MAP3K15: variants seen among roughly 807,000 people sequenced by gnomAD.
MAP3K15 encodes mitogen-activated protein kinase kinase kinase 15, also known as MAPK/ERK kinase kinase 15.
A neutral mutation model predicts 99.5 loss-of-function variants in MAP3K15; 124 were observed. That is an observed-to-expected ratio of 1.25 (90% CI 1.08 to 1.45). MAP3K15 has a LOEUF of 1.45. Ranked by LOEUF, MAP3K15 falls within the 40% of genes most tolerant of loss-of-function variation. MAP3K15 has a pLI of 0.00. For synonymous variants in MAP3K15, 494 were observed against 439.6 expected (o/e 1.12, Z -1.55); for missense variants, 1,242 against 1,079.7 (o/e 1.15, Z -2.11).
chrX:19,379,404 C>T (rs192499828), intron 19 of MAP3K15, among the ~76,000 whole-genome samples: 301 of 104,942 alleles, frequency 2.9e-3, no homozygotes, highest in South Asian at 9.9e-3. Flanking sequence ...CCAAAACTAC[C>T]TACTGTCTTA....
chrX:19,499,683 C>A (rs2064428746), intron 1 of MAP3K15, among the ~76,000 whole-genome samples: 1 of 111,974 alleles, frequency 8.9e-6, no homozygotes, highest in Non-Finnish European at 1.9e-5. Flanking sequence ...CAAAGCCAGA[C>A]ACCAAAGAAT....
intron 12 of MAP3K15, among the ~76,000 whole-genome samples, chrX:19,407,544 G>A (rs187518272): frequency 2.7e-5 from 3 of 111,576 alleles, no homozygotes; most frequent in Admixed American, 9.6e-5. Flanking sequence ...CAAAGCATAC[G>A]GGCAACAGAA....
chrX:19,488,305 G>A (rs2064343448), intron 2 of MAP3K15, among the ~76,000 whole-genome samples: 1 of 112,055 alleles, frequency 8.9e-6, no homozygotes, highest in Non-Finnish European at 1.9e-5. Flanking sequence ...GAGTTGTGCA[G>A]GAACACACAC....
At chrX:19,470,422 G>T (rs2064200064) in intron 3 of MAP3K15, among the ~76,000 whole-genome samples, 1 of 109,948 alleles carries the variant, frequency 9.1e-6, no homozygotes. Context: ...GAGCAGGGAG[G>T]GATAGCATTA....
intron 19 of MAP3K15, among the ~76,000 whole-genome samples, chrX:19,378,902 T>C (rs2063439122): frequency 9.0e-6 from 1 of 111,130 alleles, no homozygotes; most frequent in South Asian, 3.8e-4. Flanking sequence ...GGGAGGGTTG[T>C]TGGAATGATA....
In MAP3K15 at chrX:19,371,372, G is replaced by A. The variant is rs1426364335; in HGVS notation, c.3267C>T (p.His1089=). 5 of 1,208,176 alleles carry A rather than the reference G, an allele frequency of 4.1e-6. No homozygotes were observed. In the East Asian group the frequency reaches 1.2e-4, roughly 29 times the overall value. ...DFDSSSISQI[H]LVLFGFQDAV... is the part of the protein sequence containing the mutation. ...CATCCTGAAATCCGAACAGCACCAG[G>A]TGAATCTGACTGATGGACGAGCTGT... is the stretch of plus-strand genomic sequence containing the variant. Residue 1089 remains histidine (H), a synonymous_variant, in exon 23 of 29, where the codon CAC becomes CAT. Coordinates refer to ENST00000338883, the MANE Select transcript of MAP3K15 (RefSeq NM_001001671.4).
intron 6 of MAP3K15, among the ~76,000 whole-genome samples, chrX:19,456,008 A>C (rs898215149): frequency 3.6e-5 from 4 of 111,343 alleles, no homozygotes; most frequent in Non-Finnish European, 7.5e-5. Flanking sequence ...ACAACAATGC[A>C]TCCTTGGGAT....
chrX:19,398,692 C>T (rs2063585821), intron 14 of MAP3K15, among the ~76,000 whole-genome samples: 1 of 112,203 alleles, frequency 8.9e-6, no homozygotes, highest in Admixed American at 9.5e-5. Context: ...AATAACCCAA[C>T]TAGGTGTCTT....
At chrX:19,429,774 G>C (rs1470207701) in intron 7 of MAP3K15, among the ~76,000 whole-genome samples, 1 of 40,224 alleles carries the variant, frequency 2.5e-5, no homozygotes, top group Non-Finnish European at 4.1e-5. Flanking sequence ...GAGAGAGAGA[G>C]AGAGAGAGAG....
At chrX:19,393,410 C>A (rs926332453) in intron 16 of MAP3K15, among the ~76,000 whole-genome samples, 4 of 112,072 alleles carry the variant, frequency 3.6e-5, no homozygotes, top group Admixed American at 1.9e-4. Flanking sequence ...GCGGGCAGAT[C>A]ACCTGAGGTC....
intron 10 of MAP3K15, 81 bp from the exon 11 acceptor site, chrX:19,413,545 C>A (rs1424171234): frequency 7.6e-6 from 5 of 655,893 alleles, no homozygotes; most frequent in Non-Finnish European, 1.1e-5. Context: ...CGGGGAGGTC[C>A]GTACTCAATA....
rs1414630580 is a variant in MAP3K15 at position 19,464,174 on chromosome X, G to A, written c.719+39C>T. 5 of 1,099,295 alleles carry A rather than the reference G, an allele frequency of 4.5e-6. 1 individual carries two copies. In the South Asian group the frequency reaches 6.0e-5, roughly 13 times the overall value. 90.6% of individuals were successfully genotyped at this position (1,099,295 alleles called of 1,213,427 possible). A position where few individuals can be genotyped will look rare whatever the true frequency, so the allele number is the denominator to read the frequency against. ...CCCTGAAAGAAATGGGGACATCTTG[G>A]TGAGTCTCCAGGGGTTACTGGTGGC... is the stretch of plus-strand genomic sequence containing the variant. On this transcript the variant is annotated intron_variant, in intron 4 of 28. Transcript: ENST00000338883.
At chrX:19,370,132 G>A (rs1022580094) in intron 24 of MAP3K15, among the ~76,000 whole-genome samples, 3 of 111,671 alleles carry the variant, frequency 2.7e-5, no homozygotes, top group African/African-American at 9.8e-5. Flanking sequence ...CCATGATGGC[G>A]ACAGAATGGG....
chrX:19,485,985 A>C (rs781257316), intron 3 of MAP3K15, among the ~76,000 whole-genome samples: 1 of 112,179 alleles, frequency 8.9e-6, no homozygotes, highest in South Asian at 3.7e-4. Context: ...AAGCCAAATC[A>C]GGAGACTTCA....
At chrX:19,388,876 G>T (rs2063508934) in intron 18 of MAP3K15, among the ~76,000 whole-genome samples, 1 of 111,908 alleles carries the variant, frequency 8.9e-6, no homozygotes, top group Non-Finnish European at 1.9e-5. Flanking sequence ...TGGCCAAAAA[G>T]TAGAAACAAT....
chrX:19,398,858 C>A (rs1380262842), intron 14 of MAP3K15, among the ~76,000 whole-genome samples: 3 of 111,401 alleles, frequency 2.7e-5, no homozygotes, highest in African/African-American at 9.8e-5. Flanking sequence ...GTAGTAAACA[C>A]CTAGTACAAA....
At chrX:19,499,984 C>T (rs185642737) in intron 1 of MAP3K15, among the ~76,000 whole-genome samples, 5 of 112,827 alleles carry the variant, frequency 4.4e-5, no homozygotes, top group East Asian at 2.8e-4. Context: ...CAGTGGCCCA[C>T]GCCTGAAATC....
intron 23 of MAP3K15, 111 bp from the exon 24 acceptor site, chrX:19,371,175 C>T: frequency 5.1e-6 from 4 of 787,584 alleles, no homozygotes; most frequent in South Asian, 2.8e-5. Context: ...GGGCCGCATG[C>T]AATCAGCCAG....
intron 6 of MAP3K15, among the ~76,000 whole-genome samples, chrX:19,446,800 C>T (rs1451797964): frequency 1.8e-4 from 20 of 111,717 alleles, no homozygotes; most frequent in Non-Finnish European, 1.9e-5. Context: ...TGGAGTACAA[C>T]TAAAGAGACA....
Sources: allele counts gnomAD v4.1 joint callset (sites outside exome capture counted in the v4.1 genomes callset), GRCh38; gene constraint gnomAD v4.1.1; transcripts MANE v1.5; gene names NCBI Gene and HGNC (gene_info 2026-07-23, HGNC 2026-07-21).